The following BRINP3 variants were observed in gnomAD, a reference collection of about 807,000 sequenced individuals.
BRINP3 encodes the protein BMP/retinoic acid inducible neural specific 3, also known as BMP/retinoic acid-inducible neural-specific protein 3.
A neutral mutation model predicts 71.0 loss-of-function variants in BRINP3; 19 were observed. The ratio of observed to expected loss-of-function variants is 0.27; its 90% CI spans 0.19 to 0.39. The LOEUF (loss-of-function observed/expected upper bound fraction) is 0.39. BRINP3 is among the 10% of genes least tolerant of loss of function. The probability of loss-of-function intolerance (pLI) is 1.00; values close to 1 mark genes in which losing one functional copy is unlikely to be tolerated. For synonymous variants in BRINP3, 380 were observed against 337.7 expected (o/e 1.13, Z -1.37); for missense variants, 959 against 940.8 (o/e 1.02, Z -0.25).
intron 2 of BRINP3, among the ~76,000 whole-genome samples, chr1:190,405,880 T>C (rs1309250733): frequency 6.6e-6 from 1 of 152,192 alleles, no homozygotes; most frequent in African/African-American, 2.4e-5. Context: ...GACTGAAGAT[T>C]AGTCAGCCAC....
At chr1:190,113,884 G>A (rs183056313) in intron 7 of BRINP3, among the ~76,000 whole-genome samples, 13 of 152,220 alleles carry the variant, frequency 8.5e-5, no homozygotes, top group East Asian at 3.9e-4. Context: ...CACTAATAAC[G>A]CAAACTAGGT....
chr1:190,292,204 A>C (rs1663922184), intron 2 of BRINP3, among the ~76,000 whole-genome samples: 1 of 152,116 alleles, frequency 6.6e-6, no homozygotes, highest in South Asian at 2.1e-4. Flanking sequence ...TGACAGAAGG[A>C]AGAAGTTCAA....
At chr1:190,244,849 T>C (rs139548712) in intron 4 of BRINP3, among the ~76,000 whole-genome samples, 6 of 152,108 alleles carry the variant, frequency 3.9e-5, no homozygotes, top group Non-Finnish European at 8.8e-5. Context: ...TTCGAGTAAA[T>C]ACTTCTATCA....
At chr1:190,213,497 T>A (rs1355697653) in intron 6 of BRINP3, among the ~76,000 whole-genome samples, 1 of 152,056 alleles carries the variant, frequency 6.6e-6, no homozygotes, top group African/African-American at 2.4e-5. Context: ...TGAGAGACTA[T>A]GAATCAGGTA....
chr1:190,317,089 T>C (rs2103040020), intron 2 of BRINP3, among the ~76,000 whole-genome samples: 1 of 149,674 alleles, frequency 6.7e-6, no homozygotes, highest in Non-Finnish European at 1.5e-5. Context: ...GGAGAATCAC[T>C]TGAACCCAGG....
intron 2 of BRINP3, among the ~76,000 whole-genome samples, chr1:190,392,504 C>A (rs545788559): frequency 6.6e-6 from 1 of 151,720 alleles, no homozygotes; most frequent in South Asian, 2.1e-4. Context: ...CAGTCTGCAT[C>A]TCTTATATGA....
At position 190,245,750 on chromosome 1, in the gene BRINP3, C is replaced by A. The variant is rs574192837; in HGVS notation, c.619-11273G>T. Among the ~76,000 whole-genome samples, 32 of 107,690 alleles carry A rather than the reference C, an allele frequency of 3.0e-4. No homozygotes were observed. In the South Asian group the frequency reaches 0.012, roughly 41 times the overall value. 70.6% of individuals were successfully genotyped at this position (107,690 alleles called of 152,430 possible). On this transcript the variant is annotated intron_variant, in intron 4 of 7. Transcript: ENST00000367462. Reference sequence around the variant, plus strand: ...TATATCTCCTAATGCTATCCCTCCCCCCTCCCCCCACCCCACAACAGGCCC... The same window carrying A: ...TATATCTCCTAATGCTATCCCTCCCACCTCCCCCCACCCCACAACAGGCCC...
chr1:190,193,844 A>G (rs915622208), intron 6 of BRINP3, among the ~76,000 whole-genome samples: 1 of 152,058 alleles, frequency 6.6e-6, no homozygotes, highest in East Asian at 1.9e-4. Flanking sequence ...GTAATCGTAA[A>G]AAATATAGGG....
chr1:190,281,449 G>T, intron 3 of BRINP3, 111 bp downstream of exon 3: 1 of 1,011,224 alleles, frequency 9.9e-7, no homozygotes, highest in Non-Finnish European at 1.5e-6. Context: ...GAATGAATGA[G>T]TTCTATAACT....
At chr1:190,354,326 C>T (rs1472679326) in intron 2 of BRINP3, among the ~76,000 whole-genome samples, 1 of 151,840 alleles carries the variant, frequency 6.6e-6, no homozygotes, top group African/African-American at 2.4e-5. Context: ...AGGGACTCTT[C>T]TAAACAAACT....
At chr1:190,475,561 C>T (rs1327170988) in intron 1 of BRINP3, among the ~76,000 whole-genome samples, 1 of 152,140 alleles carries the variant, frequency 6.6e-6, no homozygotes, top group Non-Finnish European at 1.5e-5. Flanking sequence ...CACATCAACA[C>T]CAAGCCTGGG....
chr1:190,236,235 G>A (rs910756118), intron 4 of BRINP3, among the ~76,000 whole-genome samples: 1 of 151,876 alleles, frequency 6.6e-6, no homozygotes, highest in African/African-American at 2.4e-5. Context: ...GGCCACTGAG[G>A]TTTCCAGTAT....
chr1:190,469,744 GC>G (rs1311318195), intron 1 of BRINP3, among the ~76,000 whole-genome samples: 1 of 150,794 alleles, frequency 6.6e-6, no homozygotes, highest in Non-Finnish European at 1.5e-5. Context: ...AACAGAAGGG[GC>G]TTTGGTGAGC....
intron 2 of BRINP3, among the ~76,000 whole-genome samples, chr1:190,310,746 A>G (rs1665459572): frequency 6.6e-6 from 1 of 151,680 alleles, no homozygotes; most frequent in Non-Finnish European, 1.5e-5. Flanking sequence ...TGAAATACCT[A>G]AGCCTCCACC....
At chr1:190,270,803 G>A (rs776551206) in intron 3 of BRINP3, among the ~76,000 whole-genome samples, 7 of 151,386 alleles carry the variant, frequency 4.6e-5, no homozygotes, top group Non-Finnish European at 7.4e-5. Context: ...TAAAGGATTC[G>A]GCTATTCCCA....
chr1:190,204,606 C>T (rs1469472229), intron 6 of BRINP3, among the ~76,000 whole-genome samples: 3 of 151,860 alleles, frequency 2.0e-5, no homozygotes, highest in African/African-American at 7.2e-5. Context: ...ATAATCTGAT[C>T]ACCAGAGTAG....
intron 2 of BRINP3, among the ~76,000 whole-genome samples, chr1:190,448,800 A>T (rs1423986138): frequency 1.3e-5 from 2 of 151,876 alleles, no homozygotes; most frequent in African/African-American, 4.8e-5. Context: ...CCTTGTTTCA[A>T]GTTTGATAAT....
chr1:190,439,935 G>A (rs746949014), intron 2 of BRINP3, among the ~76,000 whole-genome samples: 1 of 151,770 alleles, frequency 6.6e-6, no homozygotes, highest in African/African-American at 2.4e-5. Context: ...ACTAGTCATA[G>A]TGCATTAGTT....
chr1:190,422,253 T>C (rs1360283112), intron 2 of BRINP3, among the ~76,000 whole-genome samples: 1 of 151,828 alleles, frequency 6.6e-6, no homozygotes, highest in Admixed American at 6.6e-5. Flanking sequence ...TGACCAATGA[T>C]ATTAATGAAT....
Sources: gnomAD v4.1 joint callset for allele counts (sites outside exome capture counted in the v4.1 genomes callset) on GRCh38, gnomAD v4.1.1 for gene constraint, MANE v1.5 for transcripts, NCBI Gene and HGNC (gene_info 2026-07-23, HGNC 2026-07-21) for gene names.